RASA2: variants seen among roughly 807,000 people sequenced by gnomAD.
RASA2 encodes RAS p21 protein activator 2.
In RASA2, 155 loss-of-function variants were observed where a neutral mutation model predicts 118.2. That is an observed-to-expected ratio of 1.31 (90% CI 1.15 to 1.50). The LOEUF (loss-of-function observed/expected upper bound fraction) is 1.50. RASA2 is among the 40% of genes most tolerant of loss of function. The pLI is 0.00. For missense variants in RASA2, 1,016 were observed against 1,009.6 expected, an observed-to-expected ratio of 1.01 and a Z score of -0.09; for synonymous variants, 353 against 349.1, an observed-to-expected ratio of 1.01 and a Z score of -0.12.
At position 141,516,385 on chromosome 3, in the gene RASA2, T is replaced by G; in HGVS notation, c.309T>G (p.Ser103=). The G allele has an allele frequency of 6.4e-7, 1 of 1,567,046 alleles. No homozygotes were observed. Among genetic ancestry groups the G allele is most frequent in the Non-Finnish European group, 8.6e-7 (1 of 1,157,222 alleles). The change falls in exon 3 of 24, where the codon TCT becomes TCG. Residue 103 remains serine, a synonymous_variant. Transcript: ENST00000286364. ...FEIPRTFQYL[S]FYVYDKNVLQ... ...TTCCAAGAACTTTCCAGTATTTGTC[T>G]TTCTATGTTTATGATAAGAATGTTT...
At chr3:141,519,769 A>C (rs2082083256) in intron 3 of RASA2, among the ~76,000 whole-genome samples, 1 of 152,022 alleles carries the variant, frequency 6.6e-6, no homozygotes, top group Non-Finnish European at 1.5e-5. Flanking sequence ...CATTTACCAA[A>C]CACTTCTCCG....
At chr3:141,549,488 T>C (rs1005050661) in intron 5 of RASA2, among the ~76,000 whole-genome samples, 8 of 150,072 alleles carry the variant, frequency 5.3e-5, no homozygotes, top group African/African-American at 1.2e-4. Flanking sequence ...TGTGTGCGTG[T>C]GTGTGTGTGT....
At chr3:141,560,073 T>C in intron 9 of RASA2, 78 bp downstream of exon 9, 1 of 1,114,438 alleles carries the variant, frequency 9.0e-7, no homozygotes, top group Non-Finnish European at 1.3e-6. Context: ...AAATGCTTAC[T>C]CTGAACATAT....
chr3:141,510,964 GA>G (rs1174847345), intron 1 of RASA2, among the ~76,000 whole-genome samples: 1 of 152,132 alleles, frequency 6.6e-6, no homozygotes, highest in East Asian at 1.9e-4. Context: ...TGGATTGTAG[GA>G]GGGCCAAAAG....
At chr3:141,611,146 T>G (rs1459488978) in intron 23 of RASA2, among the ~76,000 whole-genome samples, 1 of 152,134 alleles carries the variant, frequency 6.6e-6, no homozygotes, top group Non-Finnish European at 1.5e-5. Flanking sequence ...ATAAAACTAT[T>G]TACTCTTGCA....
chr3:141,492,669 T>G (rs2081652712), intron 1 of RASA2, among the ~76,000 whole-genome samples: 1 of 152,236 alleles, frequency 6.6e-6, no homozygotes. Context: ...CTTTTTAACT[T>G]GAACCATTTG....
chr3:141,610,810 C>T (rs1351843169), intron 23 of RASA2, among the ~76,000 whole-genome samples: 2 of 152,002 alleles, frequency 1.3e-5, no homozygotes, highest in South Asian at 4.1e-4. Flanking sequence ...TTTAATGTTA[C>T]ATTCAGTTGT....
chr3:141,609,881 T>A lies in RASA2; in HGVS notation c.2334T>A (p.Ala778=). 1.3e-6 allele frequency: 2 copies of A among 1,566,112 alleles called. No individual in the cohort carries two copies. The highest frequency in any genetic ancestry group is 1.7e-4 in the Middle Eastern group (1 of 5,860). ...TTATTTTCCTGCTCTTTGTAGAGGC[T>A]TGTGGAACTATTGCAGTCTATCAAG... ...SLLKLQKMEE[A]CGTIAVYQGP... Residue 778 remains alanine, a synonymous_variant, in exon 23 of 24, where the codon GCT becomes GCA. Transcript: ENST00000286364.
At chr3:141,519,683 A>G (rs2082081761) in intron 3 of RASA2, among the ~76,000 whole-genome samples, 1 of 152,058 alleles carries the variant, frequency 6.6e-6, no homozygotes. Flanking sequence ...ATGCCTTCTT[A>G]TATGCAGACT....
chr3:141,513,514 A>G (rs1285964661), intron 2 of RASA2, among the ~76,000 whole-genome samples: 1 of 152,226 alleles, frequency 6.6e-6, no homozygotes, highest in Non-Finnish European at 1.5e-5. Context: ...AAAGAGATAC[A>G]TACCTACACA....
intron 19 of RASA2, among the ~76,000 whole-genome samples, chr3:141,587,114 G>A (rs2083216955): frequency 6.6e-6 from 1 of 152,178 alleles, no homozygotes; most frequent in South Asian, 2.1e-4. Context: ...TCGAATAAAT[G>A]AGACTATTTC....
intron 19 of RASA2, among the ~76,000 whole-genome samples, chr3:141,602,704 G>A (rs2083484609): frequency 6.6e-6 from 1 of 152,202 alleles, no homozygotes; most frequent in Admixed American, 6.5e-5. Context: ...GGCCTCACCT[G>A]AACTTGATTA....
At chr3:141,522,757 C>T (rs1018079203) in intron 3 of RASA2, among the ~76,000 whole-genome samples, 3 of 152,164 alleles carry the variant, frequency 2.0e-5, no homozygotes, top group African/African-American at 7.2e-5. Context: ...GTACACTTCA[C>T]GCTCAAGAAA....
At chr3:141,540,511 T>G (rs1159875435) in intron 4 of RASA2, 22 bp from the exon 5 acceptor site, 1 of 1,571,504 alleles carries the variant, frequency 6.4e-7, no homozygotes, top group Non-Finnish European at 8.7e-7. Flanking sequence ...CTACTCAGTT[T>G]GTAATCTTTT....
At position 141,487,187 on chromosome 3, in the gene RASA2, G is replaced by A. The variant is rs752573883; in HGVS notation, c.104G>A (p.Arg35Gln). The A allele has an allele frequency of 3.4e-6, 5 of 1,458,566 alleles. No homozygotes were observed. The highest frequency in any genetic ancestry group is 4.6e-6 in the Non-Finnish European group (5 of 1,095,154). 90.4% of individuals were successfully genotyped at this position (1,458,566 alleles called of 1,614,324 possible). A position where few individuals can be genotyped will look rare whatever the true frequency, so the allele number is the denominator to read the frequency against. Residue 35 changes from arginine (R) to glutamine (Q), a missense_variant, in exon 1 of 24, where the codon CGA (arginine) becomes CAA (glutamine). Physicochemically the swap from Arg to Gln is conservative, Grantham distance 43. Coordinates refer to ENST00000286364, the MANE Select transcript of RASA2 (RefSeq NM_006506.5). ...GGGGACCAGGACAGTCGCGAGGTTC[G>A]AGTGTTGCAGAGCCTGCGGGGCAAG... is the stretch of plus-strand genomic sequence containing the variant. Reference protein sequence around the residue: ...EAGDQDSREVRVLQSLRGKIC... With the variant: ...EAGDQDSREVQVLQSLRGKIC...
At chr3:141,498,654 G>A (rs957537919) in intron 1 of RASA2, among the ~76,000 whole-genome samples, 2 of 151,584 alleles carry the variant, frequency 1.3e-5, no homozygotes, top group Non-Finnish European at 2.9e-5. Context: ...TCTTTTTTTT[G>A]TGGAGGGGGG....
intron 15 of RASA2, among the ~76,000 whole-genome samples, chr3:141,580,078 AAAAAAAAATATATATATAT>A (rs1318543501): frequency 4.7e-5 from 5 of 105,292 alleles, no homozygotes; most frequent in African/African-American, 1.5e-4. Context: ...AGAAAAAAAA[AAAAAAAAATATATATATAT>A]ATATATATAT....
At chr3:141,552,102 T>C (rs75859700) in intron 5 of RASA2, among the ~76,000 whole-genome samples, 4,782 of 152,264 alleles carry the variant, frequency 0.031, 266 homozygotes, top group African/African-American at 0.11. Flanking sequence ...TTAAGAGTAC[T>C]GATGATTTCT....
At chr3:141,594,395 T>G (rs902886885) in intron 19 of RASA2, among the ~76,000 whole-genome samples, 1 of 151,620 alleles carries the variant, frequency 6.6e-6, no homozygotes, top group Admixed American at 6.6e-5. Flanking sequence ...GGCCTAAAAT[T>G]TCCCAAATTT....
Sources: gnomAD v4.1 joint callset for allele counts (sites outside exome capture counted in the v4.1 genomes callset) on GRCh38, gnomAD v4.1.1 for gene constraint, MANE v1.5 for transcripts, NCBI Gene and HGNC (gene_info 2026-07-23, HGNC 2026-07-21) for gene names.